Variants in FUZ observed in about 807,000 individuals in gnomAD.
The protein encoded by FUZ is fuzzy planar cell polarity protein, also known as protein fuzzy homolog.
Under a neutral mutation model 43.1 loss-of-function variants are expected in FUZ, and 31 were observed. The observed-to-expected ratio is 0.72, with a 90% CI of 0.54 to 0.97. The LOEUF is 0.97. Ranked by LOEUF, FUZ falls within the 50% of genes least tolerant of loss-of-function variation. The pLI is 0.00. For missense variants in FUZ, 539 were observed against 543.8 expected (o/e 0.99, Z 0.09); for synonymous variants, 274 against 250.0 (o/e 1.10, Z -0.91).
rs368184234 is a variant in FUZ at position 49,812,773 on chromosome 19, C to T, written c.112-37G>A. 8.6e-5 allele frequency: 139 copies of T among 1,610,126 alleles called. 1 individual carries two copies. The African/African-American group carries it at 1.7e-3, about 20-fold the overall frequency. On this transcript the variant is annotated intron_variant, in intron 1 of 10. Coordinates refer to ENST00000313777, the MANE Select transcript of FUZ (RefSeq NM_025129.5). ...TTAGGGACATCAGACAAGAGCACCCCCCCATCCCCTTCCCCCTTAGGACCC... is the reference window on the plus strand; with the variant it reads ...TTAGGGACATCAGACAAGAGCACCCTCCCATCCCCTTCCCCCTTAGGACCC...
At position 49,813,285 on chromosome 19, in the gene FUZ, A is replaced by G. The variant is rs1002533642; in HGVS notation, c.-179T>C. On this transcript the variant is annotated 5_prime_UTR_variant, in exon 1 of 11. Coordinates refer to ENST00000313777, the MANE Select transcript of FUZ (RefSeq NM_025129.5). The stretch of plus-strand genomic sequence containing the variant: ...CAACTCAAACAGACCCTCAAACCCT[A>G]TTCAGGCACCTCCCCCAAACCCATT... 142 of 703,614 alleles carry G rather than the reference A, an allele frequency of 2.0e-4. No homozygotes were observed. The highest frequency in any genetic ancestry group is 1.9e-3 in the Admixed American group (93 of 49,770). 43.6% of individuals were successfully genotyped at this position (703,614 alleles called of 1,614,324 possible). A position where few individuals can be genotyped will look rare whatever the true frequency, so the allele number is the denominator to read the frequency against.
rs34752826 is a variant in FUZ at position 49,810,678 on chromosome 19, C to CAA, written c.492+683_492+684dup. Among the ~76,000 whole-genome samples the CAA allele has an allele frequency of 9.3e-3, 844 of 90,306 alleles. 7 individuals are homozygous for CAA. Among genetic ancestry groups the CAA allele is most frequent in the South Asian group, 0.03 (85 of 2,854 alleles). 59.2% of individuals were successfully genotyped at this position (90,306 alleles called of 152,430 possible). ...CCTGTGACAGTGTAAGACTCTGTCT[C>CAA]AAAAAAAAAAAAAAAAAAAAAATAG... is the stretch of plus-strand genomic sequence containing the variant. On this transcript the variant is annotated intron_variant, in intron 5 of 10. Coordinates refer to ENST00000313777, the MANE Select transcript of FUZ (RefSeq NM_025129.5).
chr19:49,811,670 G>C lies in FUZ; in HGVS notation c.348C>G (p.Thr116=). The C allele has an allele frequency of 1.2e-6, 2 of 1,614,098 alleles. No homozygotes were observed. Among genetic ancestry groups the C allele is most frequent in the Non-Finnish European group, 1.7e-6 (2 of 1,179,984 alleles). ...TCAGTCTCTCCACGTTGCGGATATTGGTCAGTTCTTCAAGTCCCACAAGAA... is the reference window on the plus strand; with the variant it reads ...TCAGTCTCTCCACGTTGCGGATATTCGTCAGTTCTTCAAGTCCCACAAGAA... The part of the protein sequence containing the change: ...MVLLVGLEEL[T]NIRNVERLKK... Residue 116 remains threonine, a synonymous_variant, in exon 4 of 11, where the codon ACC becomes ACG. Coordinates refer to ENST00000313777, the MANE Select transcript of FUZ (RefSeq NM_025129.5).
At position 49,809,023 on chromosome 19, in the gene FUZ, G is replaced by A; in HGVS notation, c.786+140C>T. ...GCAGAGGCGGGAGCGGCCGATCTTG[G>A]CGGGTAGGTGAATGACTGGAGCGCA... On this transcript the variant is annotated intron_variant, in intron 7 of 10. Coordinates refer to ENST00000313777, the MANE Select transcript of FUZ (RefSeq NM_025129.5). This position sits in a 1 kb window ranked among gnomAD's most constrained non-coding sequence, Gnocchi z 5.1. 3.1e-6 allele frequency: 3 copies of A among 953,892 alleles called. No individual in the cohort carries two copies. The highest frequency in any genetic ancestry group is 4.9e-6 in the Non-Finnish European group (3 of 610,510). 59.1% of individuals were successfully genotyped at this position (953,892 alleles called of 1,614,324 possible).
At chr19:49,812,435 T>A (rs1325585866) in intron 2 of FUZ, 100 bp from the exon 3 acceptor site, 1 of 1,335,188 alleles carries the variant, frequency 7.5e-7, no homozygotes, top group Non-Finnish European at 1.1e-6. Context: ...ATACATCCTC[T>A]CTCAGACCAA....
In FUZ at chr19:49,809,358, G is replaced by C; in HGVS notation, c.690+20C>G. The C allele has an allele frequency of 6.5e-7, 1 of 1,544,948 alleles. No homozygotes were observed. The highest frequency in any genetic ancestry group is 1.2e-5 in the South Asian group (1 of 84,036). On this transcript the variant is annotated intron_variant, in intron 6 of 10. Coordinates refer to ENST00000313777, the MANE Select transcript of FUZ (RefSeq NM_025129.5). The surrounding 1 kb of genome is among the most constrained non-coding windows in gnomAD (Gnocchi z 5.1). ...GGCCCCCAGGTCACATCCCTCCGTC[G>C]GTGCCCGCCACCCACTCACCGTGGG...
rs1480232756 is a variant in FUZ at position 49,812,989 on chromosome 19, GCC to G, written c.111+5_111+6del. 1 of 1,548,898 alleles carries G rather than the reference GCC, an allele frequency of 6.5e-7. No individual in the cohort carries two copies. The highest frequency in any genetic ancestry group is 1.4e-5 in the African/African-American group (1 of 72,984). ...TTCGGTTTAGATACAGGCGTCCAAGGCCCCACCTGCTGACGGGCGGGGGCGCC... is the reference window on the plus strand; with the variant it reads ...TTCGGTTTAGATACAGGCGTCCAAGGCCACCTGCTGACGGGCGGGGGCGCC... On this transcript the variant is annotated splice_donor_5th_base_variant and intron_variant, in intron 1 of 10. Transcript: ENST00000313777.
rs2073409794 is a variant in FUZ at position 49,806,956 on chromosome 19, T to C, written c.*195A>G. 2 of 1,529,956 alleles carry C rather than the reference T, an allele frequency of 1.3e-6. No homozygotes were observed. Among genetic ancestry groups the C allele is most frequent in the African/African-American group, 1.4e-5 (1 of 71,674 alleles). 94.8% of individuals were successfully genotyped at this position (1,529,956 alleles called of 1,614,324 possible). On this transcript the variant is annotated 3_prime_UTR_variant, in exon 11 of 11. Transcript: ENST00000313777. ...TTACATTCTGGGGGGTTAGGGGGAG[T>C]CCCCCTCCCTCCCTTTCCCCCCCAA...
chr19:49,811,692 A>C lies in FUZ; in HGVS notation c.326T>G (p.Leu109Arg), dbSNP rs762635546. The C allele has an allele frequency of 6.2e-7, 1 of 1,613,506 alleles. No homozygotes were observed. The highest frequency in any genetic ancestry group is 1.3e-5 in the African/African-American group (1 of 74,922). Reference sequence around the variant, plus strand: ...ATTGGTCAGTTCTTCAAGTCCCACAAGAAGGACCTAGAAGAATCATATAGG... The same window carrying C: ...ATTGGTCAGTTCTTCAAGTCCCACACGAAGGACCTAGAAGAATCATATAGG... ...LQMVFGAMVL[L>R]VGLEELTNIR... The change falls in exon 4 of 11, where the codon CTT becomes CGT. Residue 109 changes from leucine (L) to arginine (R), a missense_variant. Transcript: ENST00000313777.
intron 1 of FUZ, 36 bp downstream of exon 1, chr19:49,812,960 C>A (rs759904832): frequency 2.0e-6 from 3 of 1,510,892 alleles, no homozygotes; most frequent in Non-Finnish European, 2.7e-6. Context: ...AACACCGAAC[C>A]CCCTTCGGTT....
At position 49,810,156 on chromosome 19, in the gene FUZ, G is replaced by C. The variant is rs73592266; in HGVS notation, c.493-581C>G. ...GGCTGAGGAGCTGGGACCTTGTCCT[G>C]GGGGAGGTGGAGGCTGCCGGAGGGC... On this transcript the variant is annotated intron_variant, in intron 5 of 10. Coordinates refer to ENST00000313777, the MANE Select transcript of FUZ (RefSeq NM_025129.5). Among the ~76,000 whole-genome samples the C allele has an allele frequency of 8.1e-3, 1,232 of 152,274 alleles. 20 individuals carry two copies. The highest frequency in any genetic ancestry group is 0.028 in the African/African-American group (1,173 of 41,538).
Position 49,809,211 on chromosome 19 carries a change from C to T in FUZ, c.738G>A (p.Leu246=). 1 of 1,551,424 alleles carries T rather than the reference C, an allele frequency of 6.4e-7. No homozygotes were observed. The highest frequency in any genetic ancestry group is 8.7e-7 in the Non-Finnish European group (1 of 1,147,098). Reference sequence around the variant, plus strand: ...GTGGGCTCGGCCCGCAGAGTAGACACAGCTCCAGGCTCGGCAGCAGAGTCA... The same window carrying T: ...GTGGGCTCGGCCCGCAGAGTAGACATAGCTCCAGGCTCGGCAGCAGAGTCA... ...LTLTLLPSLE[L]CLLCGPSPPL... The change falls in exon 7 of 11, where the codon CTG becomes CTA. Residue 246 remains leucine (L), a synonymous_variant. Coordinates refer to ENST00000313777, the MANE Select transcript of FUZ (RefSeq NM_025129.5). This position sits in a 1 kb window ranked among gnomAD's most constrained non-coding sequence, Gnocchi z 5.1.
At position 49,808,585 on chromosome 19, in the gene FUZ, A is replaced by C. The variant is rs763917830; in HGVS notation, c.947T>G (p.Leu316Trp). ...CTGTCCTCAGTCACCTTTATCCCCC[A>C]AGGGCTCCACGGTGAAGAGGCAGCG... ...LKRCLFTVEPLGDKEPSPEQR... is the reference protein window; with the variant it reads ...LKRCLFTVEPWGDKEPSPEQR... Residue 316 changes from leucine to tryptophan, a missense_variant, in exon 9 of 11, where the codon TTG becomes TGG. By Grantham distance (61) the Leu-to-Trp change is moderately conservative (BLOSUM62 -2). Transcript: ENST00000313777. 1 of 1,611,138 alleles carries C rather than the reference A, an allele frequency of 6.2e-7. No homozygotes were observed. Among genetic ancestry groups the C allele is most frequent in the Non-Finnish European group, 8.5e-7 (1 of 1,178,816 alleles).
At chr19:49,812,401 C>A in intron 2 of FUZ, 66 bp from the exon 3 acceptor site, 1 of 1,429,090 alleles carries the variant, frequency 7.0e-7, no homozygotes, top group Non-Finnish European at 9.9e-7. Flanking sequence ...TGTTGGAGTC[C>A]GCCCATTGAT....
At chr19:49,812,118 A>C (rs2073822371) in intron 3 of FUZ, 133 bp downstream of exon 3, 3 of 747,130 alleles carry the variant, frequency 4.0e-6, no homozygotes, top group Non-Finnish European at 7.0e-6. Flanking sequence ...AAAACAAAAC[A>C]AACAAACAAA....
Position 49,812,685 on chromosome 19 carries a change from T to C in FUZ, c.163A>G (p.Asn55Asp). 1 of 1,614,086 alleles carries C rather than the reference T, an allele frequency of 6.2e-7. No individual in the cohort carries two copies. Among genetic ancestry groups the C allele is most frequent in the Non-Finnish European group, 8.5e-7 (1 of 1,179,998 alleles). Residue 55 changes from asparagine (N) to aspartate (D), a missense_variant, in exon 2 of 11, where the codon AAT becomes GAT. By Grantham distance (23) the Asn-to-Asp change is conservative. Coordinates refer to ENST00000313777, the MANE Select transcript of FUZ (RefSeq NM_025129.5). The stretch of plus-strand genomic sequence containing the variant: ...GCAGAGCTCAGCTGCACCTCCAGAT[T>C]CTGCCCAAACATGTGGACTCCATTG... ...SLNGVHMFGQ[N>D]LEVQLSSART...
chr19:49,808,338 C>T, intron 10 of FUZ, 76 bp downstream of exon 10: 1 of 1,468,454 alleles, frequency 6.8e-7, no homozygotes, highest in Non-Finnish European at 9.3e-7. Context: ...CCAACCCCAC[C>T]TCCTACTCCC....
At position 49,809,079 on chromosome 19, in the gene FUZ, C is replaced by A; in HGVS notation, c.786+84G>T. On this transcript the variant is annotated intron_variant, in intron 7 of 10. Coordinates refer to ENST00000313777, the MANE Select transcript of FUZ (RefSeq NM_025129.5). This position sits in a 1 kb window ranked among gnomAD's most constrained non-coding sequence, Gnocchi z 5.1. The stretch of plus-strand genomic sequence containing the variant: ...GAAGAGGCGGGGCTGGGGAAAGATG[C>A]CGCTGGCAGGGCAGGGTGGTGGGGA... 2.3e-6 allele frequency: 3 copies of A among 1,319,332 alleles called. No homozygotes were observed. Among genetic ancestry groups the A allele is most frequent in the Non-Finnish European group, 3.2e-6 (3 of 937,566 alleles). 81.7% of individuals were successfully genotyped at this position (1,319,332 alleles called of 1,614,324 possible). A position where few individuals can be genotyped will look rare whatever the true frequency, so the allele number is the denominator to read the frequency against.
At chr19:49,812,549 C>G in intron 2 of FUZ, 66 bp downstream of exon 2, 3 of 1,608,738 alleles carry the variant, frequency 1.9e-6, no homozygotes, top group Non-Finnish European at 2.6e-6. Flanking sequence ...GGAAGGCCTC[C>G]GGGGTCATCT....
Sources: gnomAD v4.1 joint callset for allele counts (sites outside exome capture counted in the v4.1 genomes callset) on GRCh38, gnomAD v4.1.1 for gene constraint, Gnocchi (gnomAD v3.1) non-coding constraint, MANE v1.5 for transcripts, NCBI Gene and HGNC (gene_info 2026-07-23, HGNC 2026-07-21) for gene names.